The following DDAH1 variants were observed in gnomAD, a reference collection of about 807,000 sequenced individuals.
DDAH1 encodes the protein dimethylarginine dimethylaminohydrolase 1, also known as N(G),N(G)-dimethylarginine dimethylaminohydrolase 1.
Under a neutral mutation model 28.8 loss-of-function variants are expected in DDAH1, and 19 were observed. The observed-to-expected ratio is 0.66, with a 90% CI of 0.46 to 0.97. The LOEUF is 0.97. DDAH1 is among the 50% of genes least tolerant of loss of function. The pLI, the probability that DDAH1 is intolerant of heterozygous loss-of-function variation, is 0.00. For missense variants in DDAH1, 326 were observed against 375.9 expected (o/e 0.87, Z 1.10); for synonymous variants, 153 against 154.4 (o/e 0.99, Z 0.07).
intron 4 of DDAH1, among the ~76,000 whole-genome samples, chr1:85,333,574 A>C (rs964361065): frequency 6.6e-6 from 1 of 152,182 alleles, no homozygotes; most frequent in Admixed American, 6.5e-5. Context: ...TAAACAATAA[A>C]AAGAAATTAA....
chr1:85,489,417 C>T (rs983870813), intron 2 of DDAH1, among the ~76,000 whole-genome samples: 2 of 152,074 alleles, frequency 1.3e-5, no homozygotes, highest in African/African-American at 4.8e-5. Flanking sequence ...GCCTAGGTGA[C>T]TCAGTAAAAG....
At chr1:85,512,915 G>T (rs1234521230) in intron 1 of DDAH1, among the ~76,000 whole-genome samples, 1 of 152,068 alleles carries the variant, frequency 6.6e-6, no homozygotes, top group Non-Finnish European at 1.5e-5. Flanking sequence ...TGTGAAAATG[G>T]CCATACAGCC....
At chr1:85,421,987 T>G (rs1006409319) in intron 1 of DDAH1, among the ~76,000 whole-genome samples, 1 of 152,210 alleles carries the variant, frequency 6.6e-6, no homozygotes, top group Non-Finnish European at 1.5e-5. Context: ...GGTAAGATCA[T>G]GTTTAGCTTT....
intron 1 of DDAH1, among the ~76,000 whole-genome samples, chr1:85,424,329 C>T (rs1275174713): frequency 6.6e-6 from 1 of 152,024 alleles, no homozygotes; most frequent in Non-Finnish European, 1.5e-5. Context: ...ATAAGGTAAA[C>T]TTGAGCCTGG....
chr1:85,440,478 T>A (rs184508637), intron 1 of DDAH1, among the ~76,000 whole-genome samples: 2 of 152,326 alleles, frequency 1.3e-5, no homozygotes, highest in East Asian at 3.9e-4. Context: ...CGGGAAAGAC[T>A]GTTATATGGG....
chr1:85,537,618 T>C (rs1346388657), intron 1 of DDAH1, among the ~76,000 whole-genome samples: 1 of 146,174 alleles, frequency 6.8e-6, no homozygotes, highest in Non-Finnish European at 1.5e-5. Context: ...AACTGTGCAA[T>C]AGTTACTAGT....
At position 85,404,170 on chromosome 1, in the gene DDAH1, CAAAT is replaced by C. The variant is rs527792507; in HGVS notation, c.304-45327_304-45324del. ...TTTAAGAACTACATATTATATTTCACAAATAAAGCTAAACAGAAAAATGCAGATC... is the reference window on the plus strand; with the variant it reads ...TTTAAGAACTACATATTATATTTCACAAAGCTAAACAGAAAAATGCAGATC... On this transcript the variant is annotated intron_variant, in intron 1 of 5. Coordinates refer to ENST00000284031, the MANE Select transcript of DDAH1 (RefSeq NM_012137.4). Among the ~76,000 whole-genome samples, 89 of 152,266 alleles carry C rather than the reference CAAAT, an allele frequency of 5.8e-4. 1 individual carries two copies. The highest frequency in any genetic ancestry group is 3.4e-3 in the Middle Eastern group (1 of 294).
intron 1 of DDAH1, among the ~76,000 whole-genome samples, chr1:85,456,579 G>C (rs907663314): frequency 2.0e-5 from 3 of 152,172 alleles, no homozygotes; most frequent in Non-Finnish European, 4.4e-5. Flanking sequence ...TCTAACTATA[G>C]GCTAATGTAA....
intron 1 of DDAH1, among the ~76,000 whole-genome samples, chr1:85,401,211 A>G (rs956624783): frequency 2.0e-5 from 3 of 152,174 alleles, no homozygotes; most frequent in Admixed American, 1.3e-4. Flanking sequence ...AATTACAGGA[A>G]TCGATCCTTT....
intron 1 of DDAH1, among the ~76,000 whole-genome samples, chr1:85,373,639 G>A (rs1214723079): frequency 2.0e-5 from 3 of 152,142 alleles, no homozygotes; most frequent in Non-Finnish European, 4.4e-5. Context: ...CCCCAGTCAT[G>A]CGGAACTGTG....
Position 85,321,545 on chromosome 1 carries a change from A to G in DDAH1, c.765T>C (p.His255=), listed in dbSNP as rs762599209. 6.2e-7 allele frequency: 1 copy of G among 1,613,844 alleles called. No homozygotes were observed. Among genetic ancestry groups the G allele is most frequent in the Non-Finnish European group, 8.5e-7 (1 of 1,179,720 alleles). The change falls in exon 6 of 6, where the codon CAT becomes CAC. Residue 255 remains histidine, a synonymous_variant. Transcript: ENST00000284031. ...SAKVYEKLKD[H]MLIPVSMSEL... ...CAGACATGCTCACGGGGATCAGCATATGGTCCTTCAGTTTCTCATAAACCT... is the reference window on the plus strand; with the variant it reads ...CAGACATGCTCACGGGGATCAGCATGTGGTCCTTCAGTTTCTCATAAACCT...
At chr1:85,387,932 A>G (rs900163819) in intron 1 of DDAH1, among the ~76,000 whole-genome samples, 9 of 152,220 alleles carry the variant, frequency 5.9e-5, no homozygotes, top group Middle Eastern at 3.4e-3. Context: ...GTGTGCAGAC[A>G]TCACATGGTG....
intron 2 of DDAH1, among the ~76,000 whole-genome samples, chr1:85,485,548 T>A (rs1483012686): frequency 1.3e-5 from 2 of 152,128 alleles, no homozygotes; most frequent in African/African-American, 4.8e-5. Context: ...AGAACTAAAG[T>A]CCTGCAAATT....
intron 1 of DDAH1, among the ~76,000 whole-genome samples, chr1:85,537,228 G>C (rs1658318408): frequency 6.6e-6 from 1 of 151,496 alleles, no homozygotes; most frequent in South Asian, 2.1e-4. Context: ...CAGTTACTCA[G>C]GAGGTTGAGG....
chr1:85,460,200 C>A (rs888389445), intron 1 of DDAH1, among the ~76,000 whole-genome samples: 1 of 152,114 alleles, frequency 6.6e-6, no homozygotes, highest in Non-Finnish European at 1.5e-5. Flanking sequence ...TCACTTGCCT[C>A]CAGGATGAAC....
intron 4 of DDAH1, among the ~76,000 whole-genome samples, chr1:85,336,704 A>G (rs1648147002): frequency 6.6e-6 from 1 of 152,148 alleles, no homozygotes; most frequent in Non-Finnish European, 1.5e-5. Flanking sequence ...TAAATGAAAT[A>G]GAGTTAAAAA....
intron 1 of DDAH1, chr1:85,404,594 G>C (rs1652318020): frequency 1.6e-6 from 2 of 1,272,838 alleles, no homozygotes; most frequent in Non-Finnish European, 1.0e-6. Context: ...TGGGAATACA[G>C]AGCATGTCTG....
chr1:85,567,645 G>A (rs1309238973), intron 1 of DDAH1, among the ~76,000 whole-genome samples: 3 of 152,182 alleles, frequency 2.0e-5, no homozygotes, highest in African/African-American at 7.2e-5. Flanking sequence ...AGTCATTTCA[G>A]AATCACAGAT....
chr1:85,443,700 T>C (rs1443712090), intron 1 of DDAH1, among the ~76,000 whole-genome samples: 3 of 152,128 alleles, frequency 2.0e-5, no homozygotes, highest in African/African-American at 7.2e-5. Flanking sequence ...TGAGCAGTGG[T>C]TTGTAGTTCT....
Sources: allele counts gnomAD v4.1 joint callset (sites outside exome capture counted in the v4.1 genomes callset), GRCh38; gene constraint gnomAD v4.1.1; transcripts MANE v1.5; gene names NCBI Gene and HGNC (gene_info 2026-07-23, HGNC 2026-07-21).